Variants in HCFC2 observed in about 807,000 individuals in gnomAD.
HCFC2 encodes host cell factor C2, also known as host cell factor 2.
HCFC2 carries 18 observed loss-of-function variants against 89.2 expected under a neutral mutation model. The observed-to-expected ratio is 0.20, with a 90% CI of 0.14 to 0.30. The LOEUF (loss-of-function observed/expected upper bound fraction) is 0.30. Ranked by LOEUF, HCFC2 falls within the 10% of genes least tolerant of loss-of-function variation. The pLI, the probability that HCFC2 is intolerant of heterozygous loss-of-function variation, is 1.00. For missense variants in HCFC2, 578 were observed against 956.1 expected, an observed-to-expected ratio of 0.60 and a Z score of 5.21; for synonymous variants, 308 against 335.7, an observed-to-expected ratio of 0.92 and a Z score of 0.90.
At chr12:104,067,844 T>A in intron 2 of HCFC2, 103 bp from the exon 3 acceptor site, 1 of 1,127,156 alleles carries the variant, frequency 8.9e-7, no homozygotes. Flanking sequence ...TGCCTTCTGA[T>A]GGGATTTAGA....
At chr12:104,089,403 C>G (rs1883959813) in intron 9 of HCFC2, among the ~76,000 whole-genome samples, 1 of 152,044 alleles carries the variant, frequency 6.6e-6, no homozygotes, top group African/African-American at 2.4e-5. Flanking sequence ...GTAGTCCCAG[C>G]TACTTGGGAG....
rs778122691 is a variant in HCFC2 at position 104,064,608 on chromosome 12, G to C, written c.48G>C (p.Thr16=). 1.3e-6 allele frequency: 2 copies of C among 1,575,628 alleles called. No homozygotes were observed. The highest frequency in any genetic ancestry group is 1.2e-5 in the South Asian group (1 of 86,946). ...LLNWRRVSSF[T]GPVPRARHGH... is the part of the protein sequence containing the mutation. ...ACTGGAGGCGAGTTTCTTCCTTCAC[G>C]GGGCCGGTCCCCCGCGCCCGGCACG... Residue 16 remains threonine (T), a synonymous_variant, in exon 1 of 15, where the codon ACG becomes ACC. Transcript: ENST00000229330. This position sits in a 1 kb window ranked among gnomAD's most constrained non-coding sequence, Gnocchi z 7.3.
rs1471260365 is a variant in HCFC2 at position 104,105,383 on chromosome 12, A to G, written c.*2110A>G. The G allele has an allele frequency of 6.6e-6, 1 of 152,010 alleles. No homozygotes were observed. Among genetic ancestry groups the G allele is most frequent in the Non-Finnish European group, 1.5e-5 (1 of 67,884 alleles). The allele number at this position is 152,010 out of a possible 1,614,324, so 9.4% of individuals were successfully genotyped here. ...GTTGATTTTAAGCAAAGGATAGAAT[A>G]TTTGTTTGAGTGTGCACATTTATAC... On this transcript the variant is annotated 3_prime_UTR_variant, in exon 15 of 15. Transcript: ENST00000229330.
chr12:104,075,764 T>C (rs1883474556), intron 3 of HCFC2, among the ~76,000 whole-genome samples: 1 of 152,234 alleles, frequency 6.6e-6, no homozygotes, highest in Non-Finnish European at 1.5e-5. Flanking sequence ...CCAGCATCTT[T>C]TAAACTTCTA....
chr12:104,077,537 T>C (rs1340184525), intron 3 of HCFC2, among the ~76,000 whole-genome samples: 2 of 150,272 alleles, frequency 1.3e-5, no homozygotes, highest in Non-Finnish European at 3.0e-5. Context: ...CCACCGTGCC[T>C]GGCCCCTGGC....
rs376922435 is a variant in HCFC2 at position 104,069,525 on chromosome 12, TAA to T, written c.473+1432_473+1433del. ...TTTCTATATGTTTTACCTTTTTTGTTAAAAAAAAAAAAAAAGATTTCACATAT... is the reference window on the plus strand; with the variant it reads ...TTTCTATATGTTTTACCTTTTTTGTTAAAAAAAAAAAAAGATTTCACATAT... On this transcript the variant is annotated intron_variant, in intron 3 of 14. Coordinates refer to ENST00000229330, the MANE Select transcript of HCFC2 (RefSeq NM_013320.3). Among the ~76,000 whole-genome samples the T allele has an allele frequency of 7.7e-3, 1,081 of 140,380 alleles. 13 individuals carry two copies. The highest frequency in any genetic ancestry group is 0.023 in the African/African-American group (898 of 38,240). 92.1% of individuals were successfully genotyped at this position (140,380 alleles called of 152,430 possible).
At chr12:104,070,617 C>T (rs1239195393) in intron 3 of HCFC2, among the ~76,000 whole-genome samples, 1 of 152,134 alleles carries the variant, frequency 6.6e-6, no homozygotes, top group Non-Finnish European at 1.5e-5. Context: ...GTTGCCATAG[C>T]ATATAATACA....
In HCFC2 at chr12:104,104,343, G is replaced by C. The variant is rs1042442079; in HGVS notation, c.*1070G>C. 1 of 151,928 alleles carries C rather than the reference G, an allele frequency of 6.6e-6. No individual in the cohort carries two copies. Among genetic ancestry groups the C allele is most frequent in the African/African-American group, 2.4e-5 (1 of 41,390 alleles). The allele number at this position is 151,928 out of a possible 1,614,324, so 9.4% of individuals were successfully genotyped here. Reference sequence around the variant, plus strand: ...ATATAAGCATTAGACAGCTAACTCAGGTTCCATTACAACCTTAAAGATACA... The same window carrying C: ...ATATAAGCATTAGACAGCTAACTCACGTTCCATTACAACCTTAAAGATACA... On this transcript the variant is annotated 3_prime_UTR_variant, in exon 15 of 15. Coordinates refer to ENST00000229330, the MANE Select transcript of HCFC2 (RefSeq NM_013320.3).
intron 5 of HCFC2, 61 bp from the exon 6 acceptor site, chr12:104,082,439 T>C: frequency 8.9e-7 from 1 of 1,121,148 alleles, no homozygotes; most frequent in Non-Finnish European, 1.4e-6. Flanking sequence ...TTCTTAGCAC[T>C]TCAAATCCAA....
chr12:104,089,059 T>A (rs1357056748), intron 9 of HCFC2, among the ~76,000 whole-genome samples: 1 of 152,116 alleles, frequency 6.6e-6, no homozygotes, highest in African/African-American at 2.4e-5. Context: ...CACAGTCCCC[T>A]CGATATTCAA....
Position 104,103,069 on chromosome 12 carries a change from A to C in HCFC2, c.2175A>C (p.Pro725=). Residue 725 remains proline (P), a synonymous_variant, in exon 15 of 15, where the codon CCA becomes CCC. Coordinates refer to ENST00000229330, the MANE Select transcript of HCFC2 (RefSeq NM_013320.3). ...GCACAGCACAGATACAAGATAATCC[A>C]AGTCAACTTGTGTTCATGAGGATTT... ...AIRTAQIQDN[P]SQLVFMRIYC... is the part of the protein sequence containing the mutation. 1 of 1,614,094 alleles carries C rather than the reference A, an allele frequency of 6.2e-7. No homozygotes were observed. Among genetic ancestry groups the C allele is most frequent in the Non-Finnish European group, 8.5e-7 (1 of 1,179,938 alleles).
chr12:104,100,648 C>T lies in HCFC2; in HGVS notation c.1879-1320C>T, dbSNP rs185863353. Among the ~76,000 whole-genome samples the T allele has an allele frequency of 2.0e-3, 308 of 151,996 alleles. 2 individuals are homozygous for T. The highest frequency in any genetic ancestry group is 6.8e-3 in the African/African-American group (283 of 41,462). ...AAATAGATGTTCATTTTGAATCTCC[C>T]GAAGATATGCACAAATGAGGATTAT... On this transcript the variant is annotated intron_variant, in intron 13 of 14. Transcript: ENST00000229330.
chr12:104,104,473 A>G lies in HCFC2; in HGVS notation c.*1200A>G, dbSNP rs534629824. Reference sequence around the variant, plus strand: ...ATCTGGAATTAATATACAGAGCAATAATTGCAGAAAAGATATTTCAAACTA... The same window carrying G: ...ATCTGGAATTAATATACAGAGCAATGATTGCAGAAAAGATATTTCAAACTA... On this transcript the variant is annotated 3_prime_UTR_variant, in exon 15 of 15. Transcript: ENST00000229330. The G allele has an allele frequency of 2.0e-5, 3 of 152,154 alleles. No individual in the cohort carries two copies. In the South Asian group the frequency reaches 6.2e-4, roughly 32 times the overall value. The allele number at this position is 152,154 out of a possible 1,614,324, so 9.4% of individuals were successfully genotyped here. A position where few individuals can be genotyped will look rare whatever the true frequency, so the allele number is the denominator to read the frequency against.
intron 7 of HCFC2, among the ~76,000 whole-genome samples, chr12:104,083,737 T>C (rs1207625407): frequency 6.6e-6 from 1 of 152,108 alleles, no homozygotes; most frequent in Admixed American, 6.6e-5. Context: ...TAAAAAAATA[T>C]ATTAGAGGCT....
chr12:104,070,470 TATC>T (rs1883287039), intron 3 of HCFC2, among the ~76,000 whole-genome samples: 1 of 152,234 alleles, frequency 6.6e-6, no homozygotes, highest in Non-Finnish European at 1.5e-5. Flanking sequence ...ATTCAGGTCT[TATC>T]ATGTGTGTCC....
chr12:104,088,044 TAA>T lies in HCFC2; in HGVS notation c.1284+11_1284+12del, dbSNP rs1247071573. 5.7e-6 allele frequency: 9 copies of T among 1,589,602 alleles called. No homozygotes were observed. Among genetic ancestry groups the T allele is most frequent in the Non-Finnish European group, 7.7e-6 (9 of 1,162,150 alleles). On this transcript the variant is annotated splice_region_variant and intron_variant, in intron 9 of 14. Coordinates refer to ENST00000229330, the MANE Select transcript of HCFC2 (RefSeq NM_013320.3). ...ATAACATCGTTCCTAACAGTGTAAG[TAA>T]AAAAGTGTATGAAGGTAATTGGATG... is the stretch of plus-strand genomic sequence containing the variant.
chr12:104,102,109 A>G lies in HCFC2; in HGVS notation c.2020A>G (p.Ile674Val). 6.2e-7 allele frequency: 1 copy of G among 1,613,948 alleles called. No individual in the cohort carries two copies. Among genetic ancestry groups the G allele is most frequent in the South Asian group, 1.1e-5 (1 of 91,052 alleles). ...FSKISEFKTC[I>V]PGFPGAPSAV... Reference sequence around the variant, plus strand: ...CAAAATCAGTGAATTTAAAACTTGTATTCCTGGTTTTCCTGGAGCTCCTTC... The same window carrying G: ...CAAAATCAGTGAATTTAAAACTTGTGTTCCTGGTTTTCCTGGAGCTCCTTC... The change falls in exon 14 of 15, where the codon ATT becomes GTT. Residue 674 changes from isoleucine (I) to valine (V), a missense_variant. By Grantham distance (29) the Ile-to-Val change is conservative. Coordinates refer to ENST00000229330, the MANE Select transcript of HCFC2 (RefSeq NM_013320.3).
chr12:104,096,662 A>T (rs1169128658), intron 12 of HCFC2, among the ~76,000 whole-genome samples: 1 of 152,240 alleles, frequency 6.6e-6, no homozygotes, highest in East Asian at 1.9e-4. Context: ...TAAAAAATAC[A>T]TGCAGTTCAT....
chr12:104,096,390 A>C lies in HCFC2; in HGVS notation c.1697A>C (p.Lys566Thr). 1 of 1,607,128 alleles carries C rather than the reference A, an allele frequency of 6.2e-7. No individual in the cohort carries two copies. The highest frequency in any genetic ancestry group is 8.5e-7 in the Non-Finnish European group (1 of 1,175,310). The change falls in exon 12 of 15, where the codon AAG (lysine) becomes ACG (threonine). Residue 566 changes from lysine to threonine, a missense_variant. By Grantham distance (78) the Lys-to-Thr change is moderately conservative. This residue lies in a region of HCFC2 where 210 missense variants were observed against 251.7 expected (regional missense o/e 0.83). Transcript: ENST00000229330. ...GAAACATATGCACTGCCTGCAACGA[A>C]GATCAGCCGTGTAGAGACACATGCT... is the stretch of plus-strand genomic sequence containing the variant. ...VDETYALPAT[K>T]ISRVETHATA...
Sources: allele counts gnomAD v4.1 joint callset (sites outside exome capture counted in the v4.1 genomes callset), GRCh38; gene constraint gnomAD v4.1.1; regional missense constraint gnomAD v4.1.1; non-coding constraint Gnocchi (gnomAD v3.1); transcripts MANE v1.5; gene names NCBI Gene and HGNC (gene_info 2026-07-23, HGNC 2026-07-21).